PTK2: variants seen among roughly 807,000 people sequenced by gnomAD.
PTK2 encodes the protein protein tyrosine kinase 2.
PTK2 carries 45 observed loss-of-function variants against 150.1 expected under a neutral mutation model. That is an observed-to-expected ratio of 0.30 (90% CI 0.24 to 0.38). The LOEUF (loss-of-function observed/expected upper bound fraction) is 0.38, where lower values mean the gene tolerates loss of function less well. Ranked by LOEUF, PTK2 falls within the 10% of genes least tolerant of loss-of-function variation. The probability of loss-of-function intolerance (pLI) is 1.00; values close to 1 mark genes in which losing one functional copy is unlikely to be tolerated. For synonymous variants in PTK2, 432 were observed against 449.2 expected (o/e 0.96, Z 0.48); for missense variants, 919 against 1,307.3 (o/e 0.70, Z 4.58).
At chr8:140,929,987 C>G (rs1372039805) in intron 1 of PTK2, among the ~76,000 whole-genome samples, 2 of 152,114 alleles carry the variant, frequency 1.3e-5, no homozygotes, top group African/African-American at 4.8e-5. Context: ...GACAGAGTCC[C>G]ATCCCATAAG....
intron 23 of PTK2, among the ~76,000 whole-genome samples, chr8:140,715,472 G>A (rs1184617420): frequency 2.0e-5 from 3 of 151,932 alleles, no homozygotes; most frequent in Admixed American, 6.6e-5. Flanking sequence ...ATGCCCGGCC[G>A]CCATTAAAAC....
intron 2 of PTK2, among the ~76,000 whole-genome samples, chr8:140,893,175 T>A (rs1276951279): frequency 1.3e-5 from 2 of 152,114 alleles, no homozygotes; most frequent in East Asian, 1.9e-4. Context: ...AAAAATTAAC[T>A]GGGCATGGTG....
intron 1 of PTK2, among the ~76,000 whole-genome samples, chr8:140,991,837 C>A (rs1415570273): frequency 6.6e-6 from 1 of 151,458 alleles, no homozygotes; most frequent in Admixed American, 6.6e-5. Flanking sequence ...GGTAAATACC[C>A]GTCTCTACAA....
upstream of PTK2, among the ~76,000 whole-genome samples, chr8:141,001,808 G>T (rs183006235): frequency 3.3e-5 from 5 of 152,372 alleles, no homozygotes; most frequent in Non-Finnish European, 5.9e-5. Flanking sequence ...CCTAACGAGC[G>T]GTTCCTGGGC....
chr8:140,702,442 C>A, intron 25 of PTK2, 128 bp downstream of exon 28: 1 of 1,241,154 alleles, frequency 8.1e-7, no homozygotes, highest in South Asian at 1.5e-5. Flanking sequence ...TGGTTTCAAA[C>A]TCTGGGGCTC....
intron 31 of PTK2, chr8:140,662,659 C>A: frequency 1.8e-6 from 1 of 548,878 alleles, no homozygotes; most frequent in Middle Eastern, 2.7e-4. Flanking sequence ...AAGGAATCAC[C>A]AACAGGAGTT....
intron 16 of PTK2, among the ~76,000 whole-genome samples, chr8:140,757,071 C>A (rs140014525): frequency 1.3e-5 from 2 of 151,852 alleles, no homozygotes; most frequent in East Asian, 3.9e-4. Context: ...AAATGGATTA[C>A]GTATTTTAAA....
At chr8:140,749,259 C>T (rs865951179) in intron 17 of PTK2, among the ~76,000 whole-genome samples, 1 of 152,172 alleles carries the variant, frequency 6.6e-6, no homozygotes, top group East Asian at 1.9e-4. Flanking sequence ...ATTGCTTATA[C>T]CATGATATTT....
intron 20 of PTK2, 138 bp downstream of exon 23, chr8:140,743,092 T>C (rs2100056646): frequency 1.2e-5 from 7 of 598,420 alleles, no homozygotes; most frequent in Non-Finnish European, 2.9e-6. Context: ...GCACCATTGC[T>C]GAGAAGGCTG....
chr8:140,687,624 A>G (rs2100020741), intron 26 of PTK2, among the ~76,000 whole-genome samples: 1 of 152,148 alleles, frequency 6.6e-6, no homozygotes, highest in Non-Finnish European at 1.5e-5. Flanking sequence ...GGGGATGGAG[A>G]AATGAGCTTC....
intron 1 of PTK2, among the ~76,000 whole-genome samples, chr8:140,995,610 T>A (rs533573559): frequency 1.3e-5 from 2 of 151,786 alleles, no homozygotes; most frequent in African/African-American, 4.8e-5. Flanking sequence ...GAGAACAGCC[T>A]GCGGAACACG....
At chr8:140,913,035 A>AG (rs1317331053) in intron 2 of PTK2, among the ~76,000 whole-genome samples, 1 of 152,184 alleles carries the variant, frequency 6.6e-6, no homozygotes, top group Non-Finnish European at 1.5e-5. Flanking sequence ...GTTCTCCCTA[A>AG]GGGGGAAAAA....
chr8:140,684,451 T>G (rs996307142), intron 27 of PTK2, among the ~76,000 whole-genome samples: 1 of 152,278 alleles, frequency 6.6e-6, no homozygotes, highest in Non-Finnish European at 1.5e-5. Context: ...TAACAGACTA[T>G]GGACCAATAC....
chr8:140,789,353 A>G, intron 14 of PTK2, 121 bp downstream of exon 14: 1 of 878,508 alleles, frequency 1.1e-6, no homozygotes, highest in Non-Finnish European at 1.6e-6. Context: ...AAATTTGGAT[A>G]GCCAGAATGC....
At chr8:140,929,267 A>C (rs977569861) in intron 1 of PTK2, among the ~76,000 whole-genome samples, 6 of 152,168 alleles carry the variant, frequency 3.9e-5, no homozygotes, top group South Asian at 2.1e-4. Flanking sequence ...GCCCGGCCAC[A>C]ATTTTTTAAC....
At chr8:140,690,194 T>C (rs1301736957) in intron 26 of PTK2, among the ~76,000 whole-genome samples, 2 of 152,096 alleles carry the variant, frequency 1.3e-5, no homozygotes, top group African/African-American at 4.8e-5. Flanking sequence ...CCTCATGATC[T>C]GCCCGCCTCG....
intron 1 of PTK2, among the ~76,000 whole-genome samples, chr8:140,932,686 GGATATTTGCATCTTCTA>G (rs1252123038): frequency 6.6e-6 from 1 of 152,096 alleles, no homozygotes; most frequent in Non-Finnish European, 1.5e-5. Context: ...AATAAATTAT[GGATATTTGCATCTTCTA>G]TGATACAGCA....
intron 16 of PTK2, 82 bp downstream of exon 19, chr8:140,761,083 G>A: frequency 2.3e-6 from 2 of 872,050 alleles, no homozygotes; most frequent in Non-Finnish European, 3.8e-6. Context: ...GAAGAACTAA[G>A]GACTCATGAA....
chr8:140,819,292 G>A (rs1356437113), intron 8 of PTK2, among the ~76,000 whole-genome samples: 1 of 152,118 alleles, frequency 6.6e-6, no homozygotes, highest in Non-Finnish European at 1.5e-5. Context: ...ACAGAAGTTT[G>A]TACTATATGT....
Sources: gnomAD v4.1 joint callset for allele counts (sites outside exome capture counted in the v4.1 genomes callset) on GRCh38, gnomAD v4.1.1 for gene constraint, MANE v1.5 for transcripts, NCBI Gene and HGNC (gene_info 2026-07-23, HGNC 2026-07-21) for gene names.